REC114: variants seen among roughly 807,000 people sequenced by gnomAD.
The protein encoded by REC114 is meiotic recombination protein REC114.
REC114 carries 27 observed loss-of-function variants against 31.3 expected under a neutral mutation model. The ratio of observed to expected loss-of-function variants is 0.86; its 90% CI spans 0.64 to 1.19. REC114 has a LOEUF of 1.19. Among genes scored for constraint, REC114 ranks in the 50% most tolerant of loss-of-function variants. The pLI is 0.00. For synonymous variants in REC114, 134 were observed against 127.7 expected (o/e 1.05, Z -0.33); for missense variants, 344 against 326.9 (o/e 1.05, Z -0.40).
chr15:73,472,653 A>C (rs893257875), intron 1 of REC114, among the ~76,000 whole-genome samples: 10 of 152,162 alleles, frequency 6.6e-5, no homozygotes, highest in Non-Finnish European at 7.3e-5. Flanking sequence ...AGGATATGAA[A>C]GCCACCTATA....
At chr15:73,494,188 C>A (rs1279158430) in intron 2 of REC114, among the ~76,000 whole-genome samples, 1 of 152,106 alleles carries the variant, frequency 6.6e-6, no homozygotes, top group Non-Finnish European at 1.5e-5. Context: ...ATATAGTTCT[C>A]TACTATTTTA....
intron 4 of REC114, 34 bp from the exon 5 acceptor site, chr15:73,556,268 G>A (rs1462474625): frequency 3.8e-6 from 6 of 1,564,964 alleles, no homozygotes; most frequent in South Asian, 1.1e-5. Flanking sequence ...ATTACATTCA[G>A]CTAGTCTCCT....
intron 1 of REC114, among the ~76,000 whole-genome samples, chr15:73,446,940 A>G (rs551187913): frequency 1.3e-5 from 2 of 152,348 alleles, no homozygotes; most frequent in East Asian, 3.9e-4. Flanking sequence ...GATCATTTAG[A>G]ATGCTATTGC....
chr15:73,538,995 C>CT (rs1280260568), intron 2 of REC114, among the ~76,000 whole-genome samples: 1 of 151,480 alleles, frequency 6.6e-6, no homozygotes, highest in Non-Finnish European at 1.5e-5. Flanking sequence ...ATTGGGATTG[C>CT]TGGGTCCAAA....
At chr15:73,535,193 G>C (rs573160310) in intron 2 of REC114, among the ~76,000 whole-genome samples, 84 of 148,470 alleles carry the variant, frequency 5.7e-4, no homozygotes, top group Middle Eastern at 3.4e-3. Flanking sequence ...AATTAGTCAG[G>C]AGAAGGAAAT....
intron 2 of REC114, among the ~76,000 whole-genome samples, chr15:73,533,457 TA>T (rs1894112721): frequency 7.1e-6 from 1 of 140,098 alleles, no homozygotes; most frequent in African/African-American, 2.9e-5. Flanking sequence ...TACATAATGG[TA>T]AAGAGATCAA....
chr15:73,518,513 T>C (rs936854357), intron 2 of REC114, among the ~76,000 whole-genome samples: 1 of 152,240 alleles, frequency 6.6e-6, no homozygotes, highest in African/African-American at 2.4e-5. Context: ...TAAATTTTAC[T>C]AATTTAAATC....
chr15:73,541,689 G>A (rs1434853683), intron 3 of REC114, among the ~76,000 whole-genome samples: 3 of 152,136 alleles, frequency 2.0e-5, no homozygotes, highest in Admixed American at 6.6e-5. Flanking sequence ...CAATAGCCCA[G>A]GTTATGACTA....
chr15:73,546,930 TAAATC>T (rs757288449), intron 3 of REC114, among the ~76,000 whole-genome samples: 2 of 152,010 alleles, frequency 1.3e-5, no homozygotes, highest in African/African-American at 2.4e-5. Context: ...ATTAAATACT[TAAATC>T]GAAGACCTCA....
chr15:73,514,106 G>GC (rs540302831), intron 2 of REC114, among the ~76,000 whole-genome samples: 12 of 151,710 alleles, frequency 7.9e-5, no homozygotes, highest in African/African-American at 2.7e-4. Flanking sequence ...GACTCCGTGG[G>GC]GTAGGACCCT....
At chr15:73,495,630 TAGCC>T (rs753693950) in intron 2 of REC114, among the ~76,000 whole-genome samples, 1 of 152,096 alleles carries the variant, frequency 6.6e-6, no homozygotes, top group Non-Finnish European at 1.5e-5. Flanking sequence ...TTATAGTACT[TAGCC>T]AGACCTCTAG....
rs1302663346 is a variant in REC114, at chr15:73,559,633, ACTAATTTTTTTGGTGTGTATTTCG to A, written c.637-113_637-90del. On this transcript the variant is annotated intron_variant, in intron 5 of 5. Transcript: ENST00000331090. ...AAGGAAGCCTGTAAAGCTAATTAAC[ACTAATTTTTTTGGTGTGTATTTCG>A]CTAATCTTTCCTTAAAGCACTATTT... is the stretch of plus-strand genomic sequence containing the variant. The A allele has an allele frequency of 1.5e-5, 12 of 826,296 alleles. No homozygotes were observed. The East Asian group carries it at 3.5e-4, about 24-fold the overall frequency. 51.2% of individuals were successfully genotyped at this position (826,296 alleles called of 1,614,324 possible). A position where few individuals can be genotyped will look rare whatever the true frequency, so the allele number is the denominator to read the frequency against.
chr15:73,461,197 T>C (rs369094949), intron 1 of REC114, among the ~76,000 whole-genome samples: 1 of 152,064 alleles, frequency 6.6e-6, no homozygotes, highest in South Asian at 2.1e-4. Context: ...CACCAAAAAA[T>C]GCTGAATTTT....
chr15:73,546,238 C>G (rs977092033), intron 3 of REC114, among the ~76,000 whole-genome samples: 1 of 151,802 alleles, frequency 6.6e-6, no homozygotes, highest in Non-Finnish European at 1.5e-5. Flanking sequence ...AAAGAATCTT[C>G]AGTGTCGGAG....
intron 4 of REC114, among the ~76,000 whole-genome samples, chr15:73,552,034 A>G (rs1894400181): frequency 6.6e-6 from 1 of 152,252 alleles, no homozygotes; most frequent in African/African-American, 2.4e-5. Context: ...AGTATTGTCC[A>G]GATGACCGAT....
intron 2 of REC114, among the ~76,000 whole-genome samples, chr15:73,507,537 T>G (rs947148837): frequency 1.3e-5 from 2 of 152,128 alleles, no homozygotes; most frequent in African/African-American, 4.8e-5. Context: ...GGGACCTAGG[T>G]GGCTGGAGGA....
chr15:73,480,211 T>A (rs547792873), intron 2 of REC114, among the ~76,000 whole-genome samples: 58 of 152,284 alleles, frequency 3.8e-4, no homozygotes, highest in Admixed American at 1.2e-3. Flanking sequence ...CTTTTTCTTA[T>A]ACCTGTTGGC....
At chr15:73,508,016 C>G (rs934574640) in intron 2 of REC114, among the ~76,000 whole-genome samples, 1 of 152,176 alleles carries the variant, frequency 6.6e-6, no homozygotes, top group Non-Finnish European at 1.5e-5. Context: ...TGCATCCCTA[C>G]AGCATCTTGT....
In REC114 at chr15:73,517,422, A is replaced by G. The variant is rs568395359; in HGVS notation, c.250-23063A>G. On this transcript the variant is annotated intron_variant, in intron 2 of 5. Transcript: ENST00000331090. The stretch of plus-strand genomic sequence containing the variant: ...GCCTACTTAGGAGGCTGTTTTAGTA[A>G]ATAAAGAAGATGACAGCTTGGACTA... Among the ~76,000 whole-genome samples, 6 of 152,364 alleles carry G rather than the reference A, an allele frequency of 3.9e-5. No homozygotes were observed. In the East Asian group the frequency reaches 9.6e-4, roughly 24 times the overall value.
Sources: allele counts gnomAD v4.1 joint callset (sites outside exome capture counted in the v4.1 genomes callset), GRCh38; gene constraint gnomAD v4.1.1; transcripts MANE v1.5; gene names NCBI Gene and HGNC (gene_info 2026-07-23, HGNC 2026-07-21).